Variants in TASOR observed in about 807,000 individuals in gnomAD.
TASOR encodes the protein transcription activation suppressor.
TASOR carries 53 observed loss-of-function variants against 178.6 expected under a neutral mutation model. The ratio of observed to expected loss-of-function variants is 0.30; its 90% CI spans 0.24 to 0.37. The LOEUF (loss-of-function observed/expected upper bound fraction) is 0.37. Ranked by LOEUF, TASOR falls within the 10% of genes least tolerant of loss-of-function variation. The probability of loss-of-function intolerance (pLI) is 1.00; values close to 1 mark genes in which losing one functional copy is unlikely to be tolerated. For synonymous variants in TASOR, 713 were observed against 696.2 expected (o/e 1.02, Z -0.38); for missense variants, 1,815 against 1,971.4 (o/e 0.92, Z 1.50).
chr3:56,643,259 T>C (rs1318162140), intron 14 of TASOR, among the ~76,000 whole-genome samples: 2 of 149,256 alleles, frequency 1.3e-5, no homozygotes, highest in East Asian at 2.0e-4. Flanking sequence ...TAAGACTCCA[T>C]CTTAAAAAAA....
chr3:56,667,587 G>A lies in TASOR; in HGVS notation c.897+810C>T, dbSNP rs112959123. ...CAGGAGAATCATTTGAACCTGGGGG[G>A]CAGAGGTTGCAGTGAGCCAAGATCA... On this transcript the variant is annotated intron_variant, in intron 6 of 23. Transcript: ENST00000683822. Among the ~76,000 whole-genome samples the A allele has an allele frequency of 8.2e-3, 1,252 of 152,284 alleles. 16 individuals carry two copies. Among genetic ancestry groups the A allele is most frequent in the African/African-American group, 0.028 (1,170 of 41,546 alleles).
At chr3:56,635,466 A>G (rs2076997397) in intron 17 of TASOR, among the ~76,000 whole-genome samples, 1 of 146,508 alleles carries the variant, frequency 6.8e-6, no homozygotes, top group African/African-American at 2.6e-5. Context: ...ATTGGTAACC[A>G]TGGCTAATAT....
At chr3:56,640,364 A>G (rs1487600620) in intron 15 of TASOR, among the ~76,000 whole-genome samples, 2 of 152,224 alleles carry the variant, frequency 1.3e-5, no homozygotes, top group Non-Finnish European at 2.9e-5. Flanking sequence ...AGTGCCAAAC[A>G]TTAAATATTT....
chr3:56,630,157 G>A (rs2107536725), intron 18 of TASOR, among the ~76,000 whole-genome samples: 1 of 151,992 alleles, frequency 6.6e-6, no homozygotes, highest in South Asian at 2.1e-4. Context: ...AGTAGAGACG[G>A]GGTTTCACCA....
intron 14 of TASOR, 149 bp downstream of exon 14, chr3:56,646,373 G>A: frequency 1.6e-6 from 1 of 644,350 alleles, no homozygotes; most frequent in Non-Finnish European, 2.6e-6. Context: ...AAATAAATGG[G>A]CATGGCTGTA....
chr3:56,625,898 A>T lies in TASOR; in HGVS notation c.4140-892T>A, dbSNP rs2076788662. On this transcript the variant is annotated intron_variant, in intron 21 of 23. Coordinates refer to ENST00000683822, the MANE Select transcript of TASOR (RefSeq NM_001365635.2). ...CAGCCTCCCAATGTGCTGGGATTAC[A>T]GGCGTAAGCCACCGTGCCCGGCCAG... Among the ~76,000 whole-genome samples, 4 of 152,210 alleles carry T rather than the reference A, an allele frequency of 2.6e-5. No homozygotes were observed. In the South Asian group the frequency reaches 8.3e-4, roughly 32 times the overall value.
intron 14 of TASOR, among the ~76,000 whole-genome samples, chr3:56,643,062 G>C (rs978818474): frequency 6.6e-6 from 1 of 151,914 alleles, no homozygotes; most frequent in Admixed American, 6.5e-5. Flanking sequence ...TCAGGAGTTC[G>C]AAACTAGCTC....
chr3:56,669,940 C>G (rs1182672852), intron 4 of TASOR, 133 bp downstream of exon 4: 3 of 863,036 alleles, frequency 3.5e-6, no homozygotes, highest in Middle Eastern at 2.9e-4. Context: ...CATTTCAGAA[C>G]CTATGACTAG....
At chr3:56,658,234 C>A (rs992795597) in intron 11 of TASOR, among the ~76,000 whole-genome samples, 2 of 152,246 alleles carry the variant, frequency 1.3e-5, no homozygotes, top group East Asian at 1.9e-4. Flanking sequence ...ATGCTAGCAA[C>A]CTTTAAGATC....
At position 56,646,763 on chromosome 3, in the gene TASOR, T is replaced by C. The variant is rs151230917; in HGVS notation, c.1974A>G (p.Ser658=). ...TTCCAGATATAATGGCTTCACCTCT[T>C]GAGTTATTTCGTTTTCCAAATTTCA... ...TKMKFGKRNN[S]RGEAIISGKQ... Residue 658 remains serine, a synonymous_variant, in exon 14 of 24, where the codon TCA becomes TCG. Transcript: ENST00000683822. The C allele has an allele frequency of 1.4e-5, 23 of 1,613,836 alleles. No homozygotes were observed. The highest frequency in any genetic ancestry group is 2.7e-5 in the African/African-American group (2 of 74,946).
chr3:56,628,666 C>A, intron 18 of TASOR, 52 bp from the exon 19 acceptor site: 1 of 1,216,092 alleles, frequency 8.2e-7, no homozygotes, highest in Non-Finnish European at 1.2e-6. Flanking sequence ...TTGTAAACAT[C>A]AATTTAACAC....
At position 56,647,057 on chromosome 3, in the gene TASOR, T is replaced by C; in HGVS notation, c.1680A>G (p.Glu560=). The C allele has an allele frequency of 6.2e-7, 1 of 1,605,094 alleles. No individual in the cohort carries two copies. Among genetic ancestry groups the C allele is most frequent in the South Asian group, 1.1e-5 (1 of 88,518 alleles). Residue 560 remains glutamate (E), a synonymous_variant, in exon 14 of 24, where the codon GAA becomes GAG. Transcript: ENST00000683822. Reference sequence around the variant, plus strand: ...CTGAACCAAAACCTCGCTTAAAAAATTCACTTACATACTTTTCAACAACAG... The same window carrying C: ...CTGAACCAAAACCTCGCTTAAAAAACTCACTTACATACTTTTCAACAACAG... ...FHSVVEKYVS[E]FFKRGFGSGK... is the part of the protein sequence containing the mutation.
At position 56,628,616 on chromosome 3, in the gene TASOR, T is replaced by TG; in HGVS notation, c.3748-3dup. On this transcript the variant is annotated splice_region_variant and splice_polypyrimidine_tract_variant and intron_variant, in intron 18 of 23. Coordinates refer to ENST00000683822, the MANE Select transcript of TASOR (RefSeq NM_001365635.2). ...ATTGCCTAATTTGATAAGATATTCC[T>TG]GTTAAAGAAAAACAACTAAATCAAT... 4.6e-6 allele frequency: 7 copies of TG among 1,531,844 alleles called. No homozygotes were observed. The highest frequency in any genetic ancestry group is 6.2e-6 in the Non-Finnish European group (7 of 1,127,358). The allele number at this position is 1,531,844 out of a possible 1,614,324, so 94.9% of individuals were successfully genotyped here.
At chr3:56,627,224 A>C in intron 20 of TASOR, 79 bp from the exon 21 acceptor site, 2 of 876,902 alleles carry the variant, frequency 2.3e-6, no homozygotes, top group Non-Finnish European at 3.6e-6. Flanking sequence ...GTGTTTTTTC[A>C]TATTATGTAG....
chr3:56,635,259 G>A (rs1026524129), intron 17 of TASOR, among the ~76,000 whole-genome samples: 3 of 152,186 alleles, frequency 2.0e-5, no homozygotes, highest in African/African-American at 4.8e-5. Flanking sequence ...GACCCAAGGC[G>A]GGTCTGTAGG....
In TASOR at chr3:56,633,918, G is replaced by T; in HGVS notation, c.2873C>A (p.Ala958Asp). 6.4e-7 allele frequency: 1 copy of T among 1,562,250 alleles called. No individual in the cohort carries two copies. The highest frequency in any genetic ancestry group is 8.7e-7 in the Non-Finnish European group (1 of 1,152,694). Residue 958 changes from alanine (A) to aspartate (D), a missense_variant, in exon 18 of 24, where the codon GCC becomes GAC. Around this residue, in one of 5 missense-constraint regions of TASOR, gnomAD observed 655 missense variants for 671.1 expected, o/e 0.98. Coordinates refer to ENST00000683822, the MANE Select transcript of TASOR (RefSeq NM_001365635.2). Reference sequence around the variant, plus strand: ...TATTACCCGGGGGTCGTTAGGAAAGGCCTCCTGTGGTGGCACACACACCAG... The same window carrying T: ...TATTACCCGGGGGTCGTTAGGAAAGTCCTCCTGTGGTGGCACACACACCAG... ...EQLVCVPPQE[A>D]FPNDPRVINR...
chr3:56,658,727 T>C (rs1445942213), intron 11 of TASOR, among the ~76,000 whole-genome samples: 2 of 152,080 alleles, frequency 1.3e-5, no homozygotes, highest in African/African-American at 2.4e-5. Flanking sequence ...GGCAACATGA[T>C]AAAACCCCGT....
chr3:56,647,378 G>A (rs4681955), intron 13 of TASOR, among the ~76,000 whole-genome samples, 155 bp from the exon 14 acceptor site: 28,175 of 151,924 alleles, frequency 0.19, 3,440 homozygotes, highest in South Asian at 0.41. Flanking sequence ...ATACAATATA[G>A]CAAATATATG....
intron 14 of TASOR, among the ~76,000 whole-genome samples, chr3:56,645,574 A>T (rs554003710): frequency 4.3e-4 from 66 of 152,348 alleles, no homozygotes; most frequent in African/African-American, 1.5e-3. Flanking sequence ...TAGTGTGAAG[A>T]TCTTAAAAAT....
Sources: gnomAD v4.1 joint callset for allele counts (sites outside exome capture counted in the v4.1 genomes callset) on GRCh38, gnomAD v4.1.1 for gene constraint, gnomAD v4.1.1 regional missense constraint, MANE v1.5 for transcripts, NCBI Gene and HGNC (gene_info 2026-07-23, HGNC 2026-07-21) for gene names.